Variants in DNAJB1 observed in about 807,000 individuals in gnomAD.
The protein encoded by DNAJB1 is DnaJ heat shock protein family (Hsp40) member B1.
A neutral mutation model predicts 24.0 loss-of-function variants in DNAJB1; 14 were observed. That is an observed-to-expected ratio of 0.58 (90% CI 0.39 to 0.91). The LOEUF is 0.91. Ranked by LOEUF, DNAJB1 falls within the 40% of genes least tolerant of loss-of-function variation. The pLI, the probability that DNAJB1 is intolerant of heterozygous loss-of-function variation, is 0.00. For missense variants in DNAJB1, 517 were observed against 458.1 expected (o/e 1.13, Z -1.17); for synonymous variants, 262 against 174.4 (o/e 1.50, Z -3.96).
At chr19:14,536,917 C>G (rs1437334967) in intron 1 of DNAJB1, among the ~76,000 whole-genome samples, 2 of 149,430 alleles carry the variant, frequency 1.3e-5, no homozygotes, top group African/African-American at 2.5e-5. Flanking sequence ...GTAGTACGGC[C>G]CTACTCACCT....
rs141624016 is a variant in DNAJB1, at chr19:14,550,214, A to T, written c.-220T>A. Among the ~76,000 whole-genome samples, 19 of 152,104 alleles carry T rather than the reference A, an allele frequency of 1.2e-4. No individual in the cohort carries two copies. The East Asian group carries it at 3.5e-3, about 28-fold the overall frequency. On this transcript the variant is annotated 5_prime_UTR_variant, in exon 1 of 4. Coordinates refer to the DNAJB1 transcript ENST00000676982. ...CGAGCCTCAGTTTCCTTACCTGCAA[A>T]AGAGGATGAATACATTGTAAAGGAG...
upstream of DNAJB1, among the ~76,000 whole-genome samples, chr19:14,534,583 G>T (rs1264148664): frequency 6.6e-6 from 1 of 151,054 alleles, no homozygotes; most frequent in Non-Finnish European, 1.5e-5. Context: ...TTACAGGTGG[G>T]TGCCACCATG....
In DNAJB1 at chr19:14,516,760, G is replaced by A. The variant is rs776395351; in HGVS notation, c.498C>T (p.His166=). 28 of 1,613,848 alleles carry A rather than the reference G, an allele frequency of 1.7e-5. No homozygotes were observed. The East Asian group carries it at 4.2e-4, about 24-fold the overall frequency. Residue 166 remains histidine (H), a synonymous_variant, in exon 2 of 3, where the codon CAC becomes CAT. Coordinates refer to ENST00000254322, the MANE Select transcript of DNAJB1 (RefSeq NM_006145.3). Reference sequence around the variant, plus strand: ...TCTCTTCAAGGGAGACTCGAAGGTCGTGGGTGACTGGGGGATCTTGCTTCT... The same window carrying A: ...TCTCTTCAAGGGAGACTCGAAGGTCATGGGTGACTGGGGGATCTTGCTTCT... The part of the protein sequence containing the change: ...ARKKQDPPVT[H]DLRVSLEEIY...
intron 1 of DNAJB1, among the ~76,000 whole-genome samples, chr19:14,544,671 T>C (rs2073241474): frequency 6.7e-6 from 1 of 150,140 alleles, no homozygotes; most frequent in Non-Finnish European, 1.5e-5. Context: ...TCTCACTCTG[T>C]CGCCCATGCT....
chr19:14,544,498 G>A (rs1277298973), intron 1 of DNAJB1, among the ~76,000 whole-genome samples: 2 of 151,908 alleles, frequency 1.3e-5, no homozygotes, highest in African/African-American at 2.4e-5. Flanking sequence ...CGGGGTGTGC[G>A]GCCATTCTAT....
At chr19:14,551,320 C>T (rs2073496508), upstream of DNAJB1, among the ~76,000 whole-genome samples, 1 of 152,048 alleles carries the variant, frequency 6.6e-6, no homozygotes, top group Non-Finnish European at 1.5e-5. Context: ...GGTGATCCAC[C>T]CACCTCGGCC....
chr19:14,534,703 C>T (rs892351944), upstream of DNAJB1, among the ~76,000 whole-genome samples: 4 of 152,124 alleles, frequency 2.6e-5, no homozygotes, highest in Admixed American at 2.6e-4. Flanking sequence ...TCCCAAAGTG[C>T]TGGGATTATA....
intron 1 of DNAJB1, among the ~76,000 whole-genome samples, chr19:14,537,556 C>T (rs2072946357): frequency 1.3e-5 from 2 of 152,086 alleles, no homozygotes; most frequent in South Asian, 4.1e-4. Flanking sequence ...CATTGACAAG[C>T]CTGGCTGCGT....
At chr19:14,540,353 C>T (rs1210553360) in intron 1 of DNAJB1, among the ~76,000 whole-genome samples, 4 of 152,124 alleles carry the variant, frequency 2.6e-5, no homozygotes, top group Admixed American at 2.6e-4. Context: ...CAGGCGTGAG[C>T]CACTGTGCCT....
intron 1 of DNAJB1, chr19:14,545,835 T>C (rs8110587): frequency 0.75 from 114,703 of 152,544 alleles, 43,747 homozygotes; most frequent in African/African-American, 0.8. Context: ...GTGGGTTCCC[T>C]GGCTTCTTCC....
upstream of DNAJB1, chr19:14,518,495 C>T (rs1232974788): frequency 3.3e-6 from 2 of 600,772 alleles, no homozygotes; most frequent in Non-Finnish European, 4.8e-6. Flanking sequence ...GCCCCCGCGG[C>T]GCCGGCCAAT....
chr19:14,540,532 C>T (rs1315328813), intron 1 of DNAJB1, among the ~76,000 whole-genome samples: 1 of 152,074 alleles, frequency 6.6e-6, no homozygotes, highest in Non-Finnish European at 1.5e-5. Flanking sequence ...GCTGGGATTA[C>T]TGGTGCCCAC....
chr19:14,536,415 GC>G (rs2072901713), intron 1 of DNAJB1, among the ~76,000 whole-genome samples: 2 of 151,782 alleles, frequency 1.3e-5, no homozygotes, highest in African/African-American at 4.8e-5. Context: ...GATTACAGGC[GC>G]CCACCACCAC....
At chr19:14,527,165 C>CTTTTTTT (rs369143149) in intron 2 of DNAJB1, among the ~76,000 whole-genome samples, 483 of 41,300 alleles carry the variant, frequency 0.012, 98 homozygotes, top group African/African-American at 0.014. Context: ...AATATCTCTG[C>CTTTTTTT]TTTTTTTTTT....
chr19:14,531,072 T>C (rs1205309786), upstream of DNAJB1: 2 of 152,198 alleles, frequency 1.3e-5, no homozygotes, highest in Non-Finnish European at 2.9e-5. Context: ...TTCGGTCTTA[T>C]TGCCCGGGCT....
Position 14,516,006 on chromosome 19 carries a change from T to C in DNAJB1, c.957A>G (p.Glu319=). ...EKRGDLIIEF[E]VIFPERIPQT... ...GGGGAATCCTTTCGGGGAAGATCAC[T>C]TCAAACTCAATAATGAGGTCCCCAC... Residue 319 remains glutamate, a synonymous_variant, in exon 3 of 3, where the codon GAA becomes GAG. Coordinates refer to ENST00000254322, the MANE Select transcript of DNAJB1 (RefSeq NM_006145.3). 1 of 1,611,340 alleles carries C rather than the reference T, an allele frequency of 6.2e-7. No individual in the cohort carries two copies.
At chr19:14,539,999 C>G (rs2073040926) in intron 1 of DNAJB1, among the ~76,000 whole-genome samples, 1 of 151,990 alleles carries the variant, frequency 6.6e-6, no homozygotes, top group Admixed American at 6.6e-5. Context: ...CCTGCCTCAG[C>G]CTCCTGAGTA....
At chr19:14,560,229 G>C (rs1978626) in exon 1 of DNAJB1, among the ~76,000 whole-genome samples, 90,776 of 151,676 alleles carry the variant, frequency 0.6, 28,140 homozygotes, top group African/African-American at 0.76. Flanking sequence ...GGGGGAGCAG[G>C]GTACGATTTC....
At chr19:14,547,786 T>G (rs945256695) in intron 1 of DNAJB1, among the ~76,000 whole-genome samples, 16 of 151,804 alleles carry the variant, frequency 1.1e-4, no homozygotes, top group African/African-American at 3.9e-4. Flanking sequence ...AGCTTCCTGA[T>G]TATGCTAGGA....
Sources: allele counts gnomAD v4.1 joint callset (sites outside exome capture counted in the v4.1 genomes callset), GRCh38; gene constraint gnomAD v4.1.1; transcripts MANE v1.5; gene names NCBI Gene and HGNC (gene_info 2026-07-23, HGNC 2026-07-21).